Variants in WWP2 observed in about 807,000 individuals in gnomAD.
WWP2 encodes the protein NEDD4-like E3 ubiquitin-protein ligase WWP2.
A neutral mutation model predicts 121.0 loss-of-function variants in WWP2; 57 were observed. The ratio of observed to expected loss-of-function variants is 0.47; its 90% CI spans 0.38 to 0.59. The LOEUF (loss-of-function observed/expected upper bound fraction) is 0.59, where lower values mean the gene tolerates loss of function less well. WWP2 is among the 20% of genes least tolerant of loss of function. The pLI is 0.00. For synonymous variants in WWP2, 449 were observed against 441.3 expected, an observed-to-expected ratio of 1.02 and a Z score of -0.22; for missense variants, 962 against 1,158.9, an observed-to-expected ratio of 0.83 and a Z score of 2.47.
At chr16:69,856,456 A>T (rs1295149837) in intron 6 of WWP2, among the ~76,000 whole-genome samples, 1 of 152,196 alleles carries the variant, frequency 6.6e-6, no homozygotes, top group Non-Finnish European at 1.5e-5. Context: ...TATGTAAATT[A>T]TACCTTAATT....
intron 6 of WWP2, among the ~76,000 whole-genome samples, chr16:69,853,786 A>T (rs75920310): frequency 0.027 from 4,072 of 152,304 alleles, 84 homozygotes; most frequent in South Asian, 0.075. Context: ...GTGAAGGGTA[A>T]GGAGGGAGGG....
At chr16:69,802,968 CT>C (rs1303844606) in intron 4 of WWP2, among the ~76,000 whole-genome samples, 2 of 152,142 alleles carry the variant, frequency 1.3e-5, no homozygotes, top group Admixed American at 6.5e-5. Context: ...ATCCAAAACA[CT>C]TCCAGTCCCA....
At chr16:69,839,737 C>T (rs1052939050) in intron 4 of WWP2, among the ~76,000 whole-genome samples, 1 of 152,206 alleles carries the variant, frequency 6.6e-6, no homozygotes, top group Non-Finnish European at 1.5e-5. Flanking sequence ...GTTGACAGTT[C>T]CTTAGGGTCT....
chr16:69,795,200 C>T (rs1027346802), intron 2 of WWP2, among the ~76,000 whole-genome samples: 2 of 152,018 alleles, frequency 1.3e-5, no homozygotes, highest in Non-Finnish European at 2.9e-5. Flanking sequence ...CGTGCCACTG[C>T]ACTCCAGCCG....
At chr16:69,912,914 T>G (rs1324867797) in intron 9 of WWP2, among the ~76,000 whole-genome samples, 1 of 32,108 alleles carries the variant, frequency 3.1e-5, no homozygotes, top group Non-Finnish European at 5.4e-5. Flanking sequence ...AGAACCAGTC[T>G]CTACAAAACA....
intron 10 of WWP2, among the ~76,000 whole-genome samples, chr16:69,924,790 G>A (rs2058615053): frequency 1.4e-5 from 2 of 140,876 alleles, no homozygotes; most frequent in East Asian, 2.1e-4. Context: ...GCTTTGTAAA[G>A]GGGAAGGAAA....
chr16:69,930,226 C>T lies in WWP2; in HGVS notation c.1413C>T (p.Thr471=). 1 of 1,614,100 alleles carries T rather than the reference C, an allele frequency of 6.2e-7. No homozygotes were observed. The highest frequency in any genetic ancestry group is 1.1e-5 in the South Asian group (1 of 91,058). ...TGGACCACAATACCCGCACCACCACCTTTAAGGATCCTCGCCCGGGGTTTG... is the reference window on the plus strand; with the variant it reads ...TGGACCACAATACCCGCACCACCACTTTTAAGGATCCTCGCCCGGGGTTTG... The part of the protein sequence containing the change: ...YFVDHNTRTT[T]FKDPRPGFES... Residue 471 remains threonine, a synonymous_variant, in exon 13 of 24, where the codon ACC becomes ACT. Transcript: ENST00000359154.
chr16:69,792,609 A>G (rs747402842), intron 2 of WWP2, among the ~76,000 whole-genome samples: 7 of 152,224 alleles, frequency 4.6e-5, no homozygotes, highest in Non-Finnish European at 8.8e-5. Context: ...CCAACTCCAC[A>G]TTAAGCAGAT....
At chr16:69,792,780 C>T (rs2055940950) in intron 2 of WWP2, among the ~76,000 whole-genome samples, 1 of 152,172 alleles carries the variant, frequency 6.6e-6, no homozygotes, top group South Asian at 2.1e-4. Context: ...CAGCCTCGAC[C>T]TCCTGGGCTC....
intron 21 of WWP2, 122 bp from the exon 22 acceptor site, chr16:69,938,904 GC>G: frequency 1.2e-6 from 1 of 809,290 alleles, no homozygotes; most frequent in Non-Finnish European, 2.0e-6. Flanking sequence ...TCATCCCCTG[GC>G]CAACCTGGCT....
intron 4 of WWP2, among the ~76,000 whole-genome samples, chr16:69,831,870 C>CCAGGCTGGA (rs1435596516): frequency 6.7e-6 from 1 of 148,332 alleles, no homozygotes; most frequent in East Asian, 1.9e-4. Context: ...ACTCTGTCAC[C>CCAGGCTGGA]CAGGCTGGAG....
In WWP2 at chr16:69,807,619, C is replaced by CAAAAAAA. The variant is rs530408058; in HGVS notation, c.340+8343_340+8349dup. On this transcript the variant is annotated intron_variant, in intron 4 of 23. Transcript: ENST00000359154. Reference sequence around the variant, plus strand: ...GGGTGACAGAGCAAGACCCTTTCTCCAAAAAAAAAAAAAAAAAAAAAAAAA... The same window carrying CAAAAAAA: ...GGGTGACAGAGCAAGACCCTTTCTCCAAAAAAAAAAAAAAAAAAAAAAAAAAAAAAAA... 8.5e-5 allele frequency among the ~76,000 whole-genome samples: 4 copies of CAAAAAAA among 46,880 alleles called. 1 individual carries two copies. Among genetic ancestry groups the CAAAAAAA allele is most frequent in the Non-Finnish European group, 1.2e-4 (3 of 24,736 alleles). The allele number at this position is 46,880 out of a possible 152,430, so 30.8% of individuals were successfully genotyped here. A position where few individuals can be genotyped will look rare whatever the true frequency, so the allele number is the denominator to read the frequency against.
intron 6 of WWP2, among the ~76,000 whole-genome samples, chr16:69,851,345 C>T (rs1176986006): frequency 6.6e-6 from 1 of 152,180 alleles, no homozygotes; most frequent in Non-Finnish European, 1.5e-5. Context: ...ATTCATCTCT[C>T]CCTCCCGTCC....
At chr16:69,889,716 G>T (rs1489874278) in intron 8 of WWP2, among the ~76,000 whole-genome samples, 1 of 152,186 alleles carries the variant, frequency 6.6e-6, no homozygotes. Flanking sequence ...CATGGTTGGG[G>T]CCAGTTTTCA....
chr16:69,903,304 T>G (rs1471050471), intron 8 of WWP2, among the ~76,000 whole-genome samples: 1 of 152,232 alleles, frequency 6.6e-6, no homozygotes, highest in Admixed American at 6.5e-5. Context: ...AATACCACTG[T>G]GTCAATTACA....
chr16:69,764,667 A>C (rs550216885), intron 1 of WWP2, among the ~76,000 whole-genome samples: 1 of 152,216 alleles, frequency 6.6e-6, no homozygotes, highest in Non-Finnish European at 1.5e-5. Context: ...GTGAATATTT[A>C]TAAGTACCCA....
chr16:69,917,832 G>T lies in WWP2; in HGVS notation c.1128G>T (p.Arg376=). ...ACTATGAGCAGTGGCAGTCGCAGCG[G>T]AATCAGCTCCAGGGGGCCATGCAGC... The part of the protein sequence containing the change: ...VRNYEQWQSQ[R]NQLQGAMQHF... Residue 376 remains arginine, a synonymous_variant, in exon 10 of 24, where the codon CGG becomes CGT. Transcript: ENST00000359154. 1 of 1,614,032 alleles carries T rather than the reference G, an allele frequency of 6.2e-7. No homozygotes were observed. The highest frequency in any genetic ancestry group is 1.3e-5 in the African/African-American group (1 of 75,080).
chr16:69,912,954 AAATAT>A (rs2058410464), intron 9 of WWP2, among the ~76,000 whole-genome samples: 1 of 1,748 alleles, frequency 5.7e-4, no homozygotes, highest in Non-Finnish European at 9.4e-4. Context: ...AAAAAAAAAA[AAATAT>A]ATATATATAT....
At chr16:69,867,684 G>A (rs542739383) in intron 6 of WWP2, among the ~76,000 whole-genome samples, 25 of 152,326 alleles carry the variant, frequency 1.6e-4, no homozygotes, top group Admixed American at 5.2e-4. Context: ...AGGACCTTGA[G>A]TGAGGACACA....
Sources: allele counts gnomAD v4.1 joint callset (sites outside exome capture counted in the v4.1 genomes callset), GRCh38; gene constraint gnomAD v4.1.1; transcripts MANE v1.5; gene names NCBI Gene and HGNC (gene_info 2026-07-23, HGNC 2026-07-21).